Variants in HELQ observed in about 807,000 individuals in gnomAD.
HELQ encodes the protein helicase POLQ-like.
A neutral mutation model predicts 111.6 loss-of-function variants in HELQ; 77 were observed. The ratio of observed to expected loss-of-function variants is 0.69; its 90% confidence interval spans 0.57 to 0.83. HELQ has a LOEUF of 0.83. Among genes scored for constraint, HELQ ranks in the 40% least tolerant of loss-of-function variants. The pLI, the probability that HELQ is intolerant of heterozygous loss-of-function variation, is 0.00. For missense variants in HELQ, 1,200 were observed against 1,288.5 expected, an observed-to-expected ratio of 0.93 and a Z score of 1.05; for synonymous variants, 438 against 454.7, an observed-to-expected ratio of 0.96 and a Z score of 0.47.
Position 83,427,576 on chromosome 4 carries a change from A to G in HELQ, c.2663T>C (p.Ile888Thr). The G allele has an allele frequency of 6.4e-7, 1 of 1,559,904 alleles. No individual in the cohort carries two copies. The highest frequency in any genetic ancestry group is 8.6e-7 in the Non-Finnish European group (1 of 1,159,180). ...LVSQCNPDWM[I>T]YFRQFSQLSP... ...TTATATTCTCACCTGCCTGAAGTAT[A>G]TCATCCAATCAGGGTTACACTGTGA... is the stretch of plus-strand genomic sequence containing the variant. Residue 888 changes from isoleucine (I) to threonine (T), a missense_variant, in exon 13 of 18, where the codon ATA becomes ACA. Coordinates refer to ENST00000295488, the MANE Select transcript of HELQ (RefSeq NM_133636.5).
At chr4:83,419,734 A>G (rs1739564659) in intron 15 of HELQ, among the ~76,000 whole-genome samples, 1 of 152,018 alleles carries the variant, frequency 6.6e-6, no homozygotes, top group Admixed American at 6.6e-5. Context: ...TACATTTTAA[A>G]GGCTAGCTTC....
rs1560554612 is a variant in HELQ, at chr4:83,443,514, T to TA, written c.1563+2dup. The TA allele has an allele frequency of 7.1e-7, 1 of 1,402,436 alleles. No individual in the cohort carries two copies. Among genetic ancestry groups the TA allele is most frequent in the East Asian group, 2.3e-5 (1 of 43,652 alleles). The allele number at this position is 1,402,436 out of a possible 1,614,324, so 86.9% of individuals were successfully genotyped here. ...CAATACAGTGCAAACCTTAGGTACA[T>TA]ACTGGTCTAAATTGACTGGTATAAT... On this transcript the variant is annotated splice_region_variant and intron_variant, in intron 6 of 17. Transcript: ENST00000295488.
At chr4:83,437,237 G>T in intron 8 of HELQ, 140 bp from the exon 9 acceptor site, 1 of 809,778 alleles carries the variant, frequency 1.2e-6, no homozygotes, top group Non-Finnish European at 1.9e-6. Context: ...AATGTTCTTA[G>T]AATTTTGATT....
intron 17 of HELQ, among the ~76,000 whole-genome samples, chr4:83,408,780 C>T (rs1345888884): frequency 6.6e-6 from 1 of 150,480 alleles, no homozygotes; most frequent in African/African-American, 2.4e-5. Context: ...AAAAAAAAAA[C>T]ACATGAACAA....
chr4:83,454,658 C>A (rs1007602061), intron 1 of HELQ, among the ~76,000 whole-genome samples: 1 of 150,854 alleles, frequency 6.6e-6, no homozygotes, highest in Non-Finnish European at 1.5e-5. Context: ...AACTTCTGGG[C>A]TTAAGTGATC....
intron 17 of HELQ, 35 bp downstream of exon 17, chr4:83,416,696 G>A: frequency 1.2e-6 from 2 of 1,604,852 alleles, no homozygotes; most frequent in Non-Finnish European, 1.7e-6. Flanking sequence ...CACTACGCAA[G>A]ATTATTAAGG....
At chr4:83,450,217 A>G (rs918991369) in intron 2 of HELQ, among the ~76,000 whole-genome samples, 8 of 111,306 alleles carry the variant, frequency 7.2e-5, no homozygotes, top group African/African-American at 2.6e-4. Flanking sequence ...ATATACAGTT[A>G]AGTTTAAAAA....
At chr4:83,413,653 C>T (rs903108445) in intron 17 of HELQ, among the ~76,000 whole-genome samples, 8 of 152,262 alleles carry the variant, frequency 5.3e-5, no homozygotes, top group South Asian at 4.2e-4. Context: ...CAGTATGCAG[C>T]GGAAATGACA....
intron 11 of HELQ, among the ~76,000 whole-genome samples, 163 bp from the exon 12 acceptor site, chr4:83,429,909 A>C (rs1720049962): frequency 6.6e-6 from 1 of 152,182 alleles, no homozygotes; most frequent in African/African-American, 2.4e-5. Flanking sequence ...ATGGCAATTA[A>C]AAATTAACAA....
In HELQ at chr4:83,418,171, CA is replaced by C; in HGVS notation, c.2984del (p.Leu995TrpfsTer2). 1 of 1,607,338 alleles carries C rather than the reference CA, an allele frequency of 6.2e-7. No individual in the cohort carries two copies. Among genetic ancestry groups the C allele is most frequent in the Non-Finnish European group, 8.5e-7 (1 of 1,176,246 alleles). On this transcript the variant is annotated frameshift_variant, in exon 16 of 18. Transcript: ENST00000295488. LOFTEE classifies it high-confidence loss of function. ...AAGTCAGCTTCTTGGTAAGTTCTAC[CA>C]AAAGGGCTCTGTAAACCCAAAACTC... ...LEEFWVYRAL[L>X]VELTKKLTYC...
rs1333051525 is a variant in HELQ, at chr4:83,438,464, G to C, written c.1809-1367C>G. 5.3e-5 allele frequency among the ~76,000 whole-genome samples: 8 copies of C among 152,312 alleles called. No homozygotes were observed. The South Asian group carries it at 1.7e-3, about 32-fold the overall frequency. On this transcript the variant is annotated intron_variant, in intron 8 of 17. Transcript: ENST00000295488. Reference sequence around the variant, plus strand: ...TTACTAAGAAAACAAAGGCAGGCCAGGCGCAGTGGCTCACGCCTGTAATTC... The same window carrying C: ...TTACTAAGAAAACAAAGGCAGGCCACGCGCAGTGGCTCACGCCTGTAATTC...
At chr4:83,442,260 A>ATTTTTTTTTT (rs70949710) in intron 6 of HELQ, among the ~76,000 whole-genome samples, 4 of 82,064 alleles carry the variant, frequency 4.9e-5, no homozygotes, top group Non-Finnish European at 8.7e-5. Context: ...AAAAACATCA[A>ATTTTTTTTTT]TTTTTTTTTT....
At chr4:83,444,515 G>C (rs1335787418) in intron 5 of HELQ, among the ~76,000 whole-genome samples, 2 of 152,120 alleles carry the variant, frequency 1.3e-5, no homozygotes, top group East Asian at 3.8e-4. Flanking sequence ...CCGAGTAGTT[G>C]GGACTATAGT....
Position 83,455,766 on chromosome 4 carries a change from T to C in HELQ, c.-73A>G, listed in dbSNP as rs952274114. ...CGCTAAGCCCATATGGAAGGGAGAG[T>C]GGGACGCCGGAGCCCGCTTCTACAT... On this transcript the variant is annotated 5_prime_UTR_variant, in exon 1 of 18. Transcript: ENST00000295488. 1.1e-5 allele frequency: 16 copies of C among 1,432,706 alleles called. No homozygotes were observed. The highest frequency in any genetic ancestry group is 1.4e-5 in the Non-Finnish European group (15 of 1,052,700). The allele number at this position is 1,432,706 out of a possible 1,614,324, so 88.7% of individuals were successfully genotyped here.
rs752417171 is a variant in HELQ at position 83,421,627 on chromosome 4, C to A, written c.2885G>T (p.Gly962Val). 1.9e-6 allele frequency: 3 copies of A among 1,613,510 alleles called. No individual in the cohort carries two copies. The East Asian group carries it at 6.7e-5, about 36-fold the overall frequency. ...TCCAGTGAGAAGATTTTGTATATAT[C>A]CTCGAGGCATATTAAATTTTTCAGA... Reference protein sequence around the residue: ...TVSEKFNMPRGYIQNLLTGTA... With the variant: ...TVSEKFNMPRVYIQNLLTGTA... The change falls in exon 15 of 18, where the codon GGA becomes GTA. Residue 962 changes from glycine (G) to valine (V), a missense_variant. Gly to Val is a moderately radical substitution (Grantham distance 109). Transcript: ENST00000295488.
intron 6 of HELQ, among the ~76,000 whole-genome samples, chr4:83,442,108 C>T (rs919564550): frequency 2.0e-5 from 3 of 151,978 alleles, no homozygotes; most frequent in Admixed American, 2.0e-4. Context: ...TTCTAAATAC[C>T]ACCACACTAT....
chr4:83,441,446 T>C (rs764828993), intron 6 of HELQ, 43 bp from the exon 7 acceptor site: 8 of 904,134 alleles, frequency 8.8e-6, no homozygotes, highest in Non-Finnish European at 1.4e-5. Flanking sequence ...ACATATAAAT[T>C]CATCTTTCCA....
intron 15 of HELQ, among the ~76,000 whole-genome samples, chr4:83,420,562 ATCACTTGAGG>A (rs1739623148): frequency 6.6e-6 from 1 of 150,788 alleles, no homozygotes; most frequent in African/African-American, 2.4e-5. Flanking sequence ...AGGCAGGTGG[ATCACTTGAGG>A]TCCGGAGTTC....
chr4:83,420,809 A>G (rs1739641312), intron 15 of HELQ, among the ~76,000 whole-genome samples: 1 of 151,920 alleles, frequency 6.6e-6, no homozygotes, highest in African/African-American at 2.4e-5. Context: ...GTGGTGGCAC[A>G]TGTCTGTGAT....
Sources: allele counts gnomAD v4.1 joint callset (sites outside exome capture counted in the v4.1 genomes callset), GRCh38; gene constraint gnomAD v4.1.1; transcripts MANE v1.5; gene names NCBI Gene and HGNC (gene_info 2026-07-23, HGNC 2026-07-21).